Variants in BANP observed in about 807,000 individuals in gnomAD.
BANP encodes protein BANP.
Under a neutral mutation model 68.1 loss-of-function variants are expected in BANP, and 11 were observed. That is an observed-to-expected ratio of 0.16 (90% CI 0.10 to 0.27). The LOEUF (loss-of-function observed/expected upper bound fraction) is 0.27. Ranked by LOEUF, BANP falls within the 10% of genes least tolerant of loss-of-function variation. The pLI, the probability that BANP is intolerant of heterozygous loss-of-function variation, is 1.00. For synonymous variants in BANP, 329 were observed against 303.2 expected (o/e 1.09, Z -0.88); for missense variants, 504 against 722.7 (o/e 0.70, Z 3.47).
rs115314479 is a variant in BANP, at chr16:88,001,413, C to T, written c.363-2882C>T. 5.0e-3 allele frequency among the ~76,000 whole-genome samples: 760 copies of T among 152,388 alleles called. 8 individuals carry two copies. The highest frequency in any genetic ancestry group is 0.018 in the African/African-American group (737 of 41,600). On this transcript the variant is annotated intron_variant, in intron 4 of 13. Coordinates refer to ENST00000682872, the MANE Select transcript of BANP (RefSeq NM_001386991.1). ...ACACATCTCCATGCACATACATGCG[C>T]AGCTGGACTTAGCTGTGTTTTTTGT...
chr16:88,006,160 G>A lies in BANP; in HGVS notation c.550G>A (p.Asp184Asn), dbSNP rs761242006. 8 of 1,614,066 alleles carry A rather than the reference G, an allele frequency of 5.0e-6. No homozygotes were observed. In the East Asian group the frequency reaches 1.8e-4, roughly 36 times the overall value. The change falls in exon 6 of 14, where the codon GAC (aspartate) becomes AAC (asparagine). Residue 184 changes from aspartate to asparagine, a missense_variant. Asp to Asn is a conservative substitution (Grantham distance 23). Around this residue, in one of 3 missense-constraint regions of BANP, gnomAD observed 238 missense variants for 278.9 expected, o/e 0.85. Transcript: ENST00000682872. ...GGGCCAAGAAGACAGCCACCACGAG[G>A]ACGGGGAGAGCGGCTCGGAGGCCAG... Reference protein sequence around the residue: ...VPGQEDSHHEDGESGSEASDS... With the variant: ...VPGQEDSHHENGESGSEASDS...
Position 88,036,483 on chromosome 16 carries a change from C to G in BANP, c.1272+1089C>G, listed in dbSNP as rs966566029. ...CCTGCCCAAGTGCCCGTGAGCAAGA[C>G]TGTGGACACATGCACGCCGTGGCAC... is the stretch of plus-strand genomic sequence containing the variant. On this transcript the variant is annotated intron_variant, in intron 10 of 13. Coordinates refer to ENST00000682872, the MANE Select transcript of BANP (RefSeq NM_001386991.1). The surrounding 1 kb of genome is among the most constrained non-coding windows in gnomAD (Gnocchi z 4.2). Among the ~76,000 whole-genome samples the G allele has an allele frequency of 2.6e-4, 40 of 152,290 alleles. No individual in the cohort carries two copies. The highest frequency in any genetic ancestry group is 9.4e-4 in the African/African-American group (39 of 41,554).
At position 87,999,270 on chromosome 16, in the gene BANP, A is replaced by C. The variant is rs570003970; in HGVS notation, c.363-5025A>C. 8.8e-5 allele frequency among the ~76,000 whole-genome samples: 12 copies of C among 136,698 alleles called. No homozygotes were observed. The South Asian group carries it at 2.9e-3, about 33-fold the overall frequency. The allele number at this position is 136,698 out of a possible 152,430, so 89.7% of individuals were successfully genotyped here. A position where few individuals can be genotyped will look rare whatever the true frequency, so the allele number is the denominator to read the frequency against. ...GCTGTACTTACCTGTCCTTCCAGAC[A>C]CGTCTCCATGCATGCACTTGCACGG... is the stretch of plus-strand genomic sequence containing the variant. On this transcript the variant is annotated intron_variant, in intron 4 of 13. Transcript: ENST00000682872.
At chr16:88,013,141 T>C (rs2073616265) in intron 6 of BANP, among the ~76,000 whole-genome samples, 1 of 152,370 alleles carries the variant, frequency 6.6e-6, no homozygotes, top group Admixed American at 6.5e-5. Context: ...GGGACTCTCA[T>C]GGCCTAGAGC....
At position 88,036,042 on chromosome 16, in the gene BANP, T is replaced by TG. The variant is rs1209594977; in HGVS notation, c.1272+649dup. 6.6e-6 allele frequency among the ~76,000 whole-genome samples: 1 copy of TG among 152,236 alleles called. No homozygotes were observed. Among genetic ancestry groups the TG allele is most frequent in the Non-Finnish European group, 1.5e-5 (1 of 68,042 alleles). ...TCTTGGAAAGCCGAGGCCAGCCTGT[T>TG]GCGATGCTCCATGTTTGCATGCCAG... On this transcript the variant is annotated intron_variant, in intron 10 of 13. Transcript: ENST00000682872. This position sits in a 1 kb window ranked among gnomAD's most constrained non-coding sequence, Gnocchi z 4.2.
At chr16:87,962,239 C>CAA (rs10660621) in intron 1 of BANP, among the ~76,000 whole-genome samples, 1,284 of 79,660 alleles carry the variant, frequency 0.016, 170 homozygotes, top group African/African-American at 0.058. Flanking sequence ...GACTTGGTCT[C>CAA]AAAAAAAAAA....
chr16:88,057,951 G>T lies in BANP; in HGVS notation c.1312-7316G>T, dbSNP rs758436714. Among the ~76,000 whole-genome samples, 1 of 152,198 alleles carries T rather than the reference G, an allele frequency of 6.6e-6. No homozygotes were observed. The highest frequency in any genetic ancestry group is 1.5e-5 in the Non-Finnish European group (1 of 68,040). On this transcript the variant is annotated intron_variant, in intron 11 of 13. Transcript: ENST00000682872. The surrounding 1 kb of genome is among the most constrained non-coding windows in gnomAD (Gnocchi z 4.6). Reference sequence around the variant, plus strand: ...AGGCGCCGAGGCTCGGTGTGGGCCCGTGGGCCTGATTGAAGTCACACTCCT... The same window carrying T: ...AGGCGCCGAGGCTCGGTGTGGGCCCTTGGGCCTGATTGAAGTCACACTCCT...
chr16:88,072,747 G>A (rs772555867), intron 13 of BANP, among the ~76,000 whole-genome samples: 10 of 152,258 alleles, frequency 6.6e-5, no homozygotes, highest in Non-Finnish European at 1.2e-4. Context: ...TCTCCAGCGT[G>A]GCCGAGGCCC....
At chr16:87,975,022 C>T (rs971647365) in intron 1 of BANP, 26 bp from the exon 2 acceptor site, 10 of 1,060,380 alleles carry the variant, frequency 9.4e-6, no homozygotes, top group Admixed American at 9.3e-5. Flanking sequence ...AATGTCCTCT[C>T]CTCCTCCTTT....
At chr16:87,977,128 G>A (rs1368287840) in intron 2 of BANP, among the ~76,000 whole-genome samples, 1 of 152,168 alleles carries the variant, frequency 6.6e-6, no homozygotes, top group East Asian at 1.9e-4. Context: ...AAAGCCTACT[G>A]TGTCAGCCAG....
chr16:87,967,622 A>ACTT (rs1555538368), intron 1 of BANP, among the ~76,000 whole-genome samples: 1 of 120,584 alleles, frequency 8.3e-6, no homozygotes, highest in Non-Finnish European at 1.7e-5. Flanking sequence ...CACCCAGTTA[A>ACTT]TTTTTTTTTT....
At chr16:88,020,748 T>G (rs2075868412) in intron 7 of BANP, among the ~76,000 whole-genome samples, 2 of 152,132 alleles carry the variant, frequency 1.3e-5, no homozygotes, top group South Asian at 4.1e-4. Context: ...ACAGGGGCCT[T>G]GGATGTGAAG....
At chr16:87,967,155 A>G (rs1478249051) in intron 1 of BANP, among the ~76,000 whole-genome samples, 1 of 151,388 alleles carries the variant, frequency 6.6e-6, no homozygotes, top group East Asian at 2.0e-4. Flanking sequence ...CTCTGGGGAG[A>G]GCAGGTACTG....
rs2090364884 is a variant in BANP at position 88,071,673 on chromosome 16, T to C, written c.1378-396T>C. ...ACGCTCACGGTCCTGGCTTGGATTTTAGGCCTCAGTGGCACTCTGGGAGCG... is the reference window on the plus strand; with the variant it reads ...ACGCTCACGGTCCTGGCTTGGATTTCAGGCCTCAGTGGCACTCTGGGAGCG... On this transcript the variant is annotated intron_variant, in intron 12 of 13. Transcript: ENST00000682872. This position sits in a 1 kb window ranked among gnomAD's most constrained non-coding sequence, Gnocchi z 6.5. The C allele has an allele frequency of 2.1e-6, 1 of 478,190 alleles. No homozygotes were observed. Among genetic ancestry groups the C allele is most frequent in the South Asian group, 1.5e-5 (1 of 64,724 alleles). 29.6% of individuals were successfully genotyped at this position (478,190 alleles called of 1,614,324 possible).
intron 11 of BANP, among the ~76,000 whole-genome samples, chr16:88,038,917 C>T (rs957017094): frequency 3.9e-5 from 6 of 152,196 alleles, no homozygotes; most frequent in African/African-American, 1.4e-4. Context: ...AAAGATAATA[C>T]TAATTTTTCA....
In BANP at chr16:87,991,787, G is replaced by A. The variant is rs532749179; in HGVS notation, c.362+7528G>A. ...ATGAACTTGTTTTAGATTTTCTGTAGGATTTTTTTAAAATATGCATAATTA... is the reference window on the plus strand; with the variant it reads ...ATGAACTTGTTTTAGATTTTCTGTAAGATTTTTTTAAAATATGCATAATTA... On this transcript the variant is annotated intron_variant, in intron 4 of 13. Transcript: ENST00000682872. 1.1e-4 allele frequency among the ~76,000 whole-genome samples: 16 copies of A among 152,120 alleles called. No homozygotes were observed. The East Asian group carries it at 2.9e-3, about 27-fold the overall frequency.
At chr16:88,076,453 G>A (rs2091636066) in intron 13 of BANP, 137 bp from the exon 14 acceptor site, 1 of 689,200 alleles carries the variant, frequency 1.5e-6, no homozygotes, top group Non-Finnish European at 2.4e-6. Flanking sequence ...GGTGAGCCTT[G>A]GGGCCGTCAG....
chr16:87,954,603 A>G (rs1043010926), intron 1 of BANP, among the ~76,000 whole-genome samples: 1 of 152,212 alleles, frequency 6.6e-6, no homozygotes, highest in African/African-American at 2.4e-5. Context: ...TTCTTTAGGA[A>G]GGCCCCTTTG....
At chr16:87,988,516 C>G (rs984184154) in intron 4 of BANP, among the ~76,000 whole-genome samples, 5 of 152,074 alleles carry the variant, frequency 3.3e-5, no homozygotes, top group African/African-American at 1.2e-4. Context: ...CCACCCGCCT[C>G]GGCCTCCCAA....
Sources: allele counts gnomAD v4.1 joint callset (sites outside exome capture counted in the v4.1 genomes callset), GRCh38; gene constraint gnomAD v4.1.1; regional missense constraint gnomAD v4.1.1; non-coding constraint Gnocchi (gnomAD v3.1); transcripts MANE v1.5; gene names NCBI Gene and HGNC (gene_info 2026-07-23, HGNC 2026-07-21).